Variants in THRB observed in about 807,000 individuals in gnomAD.
THRB encodes thyroid hormone receptor beta.
In THRB, 12 loss-of-function variants were observed where a neutral mutation model predicts 47.8. That is an observed-to-expected ratio of 0.25 (90% CI 0.16 to 0.41). The LOEUF (loss-of-function observed/expected upper bound fraction) is 0.41, where lower values mean the gene tolerates loss of function less well. THRB is among the 10% of genes least tolerant of loss of function. The probability of loss-of-function intolerance (pLI) is 1.00; values close to 1 mark genes in which losing one functional copy is unlikely to be tolerated. For synonymous variants in THRB, 218 were observed against 212.2 expected (o/e 1.03, Z -0.24); for missense variants, 348 against 589.2 (o/e 0.59, Z 4.24).
In THRB at chr3:24,188,544, T is replaced by G. The variant is rs374464952; in HGVS notation, c.283+1530A>C. On this transcript the variant is annotated intron_variant, in intron 5 of 10. Transcript: ENST00000646209. The stretch of plus-strand genomic sequence containing the variant: ...TAGATGGACTCTATGAATGAATAAA[T>G]GAATGAATATTGGTATCAATTGTGA... 1.2e-4 allele frequency among the ~76,000 whole-genome samples: 18 copies of G among 152,238 alleles called. No individual in the cohort carries two copies. In the East Asian group the frequency reaches 3.3e-3, roughly 28 times the overall value.
At chr3:24,372,771 T>A (rs1467688579) in intron 1 of THRB, among the ~76,000 whole-genome samples, 2 of 152,088 alleles carry the variant, frequency 1.3e-5, no homozygotes, top group African/African-American at 4.8e-5. Flanking sequence ...TGTCACACAG[T>A]ACATAGAGCT....
chr3:24,238,933 C>T (rs544386480), intron 3 of THRB, among the ~76,000 whole-genome samples: 33 of 151,506 alleles, frequency 2.2e-4, no homozygotes, highest in African/African-American at 7.7e-4. Context: ...TCCATTCTCA[C>T]GCATTAGGTT....
At chr3:24,360,901 G>T (rs895299580) in intron 1 of THRB, among the ~76,000 whole-genome samples, 5 of 152,028 alleles carry the variant, frequency 3.3e-5, no homozygotes, top group African/African-American at 1.2e-4. Context: ...GTGCTTAATT[G>T]GTCTGTGGTG....
intron 1 of THRB, among the ~76,000 whole-genome samples, chr3:24,460,399 A>C (rs2073588772): frequency 6.6e-6 from 1 of 152,224 alleles, no homozygotes; most frequent in South Asian, 2.1e-4. Flanking sequence ...TTTATCAGCA[A>C]TGGGAAAAGT....
chr3:24,282,122 C>G, intron 3 of THRB, among the ~76,000 whole-genome samples: 1 of 112,382 alleles, frequency 8.9e-6, no homozygotes, highest in Non-Finnish European at 1.7e-5. Context: ...CCCAAATCAA[C>G]AGAATATACA....
At chr3:24,455,726 G>A (rs756210917) in intron 1 of THRB, among the ~76,000 whole-genome samples, 1 of 152,104 alleles carries the variant, frequency 6.6e-6, no homozygotes, top group Non-Finnish European at 1.5e-5. Context: ...ATTCAGTGGG[G>A]TCTTTTATTA....
chr3:24,184,750 T>C (rs868106538), intron 5 of THRB, among the ~76,000 whole-genome samples: 7 of 152,298 alleles, frequency 4.6e-5, no homozygotes, highest in South Asian at 4.1e-4. Flanking sequence ...CACTCTCAGT[T>C]GGGACTGCAG....
intron 2 of THRB, among the ~76,000 whole-genome samples, chr3:24,324,568 C>T (rs2149323271): frequency 6.6e-6 from 1 of 152,274 alleles, no homozygotes; most frequent in Admixed American, 6.5e-5. Context: ...ATATAATATA[C>T]ATACAGAAAA....
intron 3 of THRB, among the ~76,000 whole-genome samples, chr3:24,287,619 C>T (rs746599763): frequency 6.6e-6 from 1 of 152,198 alleles, no homozygotes; most frequent in Non-Finnish European, 1.5e-5. Context: ...TAACTTTCAA[C>T]AGGAGCGTTG....
intron 1 of THRB, among the ~76,000 whole-genome samples, chr3:24,372,777 G>C (rs1379591463): frequency 6.6e-6 from 1 of 152,086 alleles, no homozygotes; most frequent in Non-Finnish European, 1.5e-5. Context: ...ACAGTACATA[G>C]AGCTGGAGTC....
chr3:24,235,306 C>T (rs115057071), intron 3 of THRB, among the ~76,000 whole-genome samples: 1,772 of 152,296 alleles, frequency 0.012, 11 homozygotes, highest in Non-Finnish European at 0.02. Context: ...ATCGAAACTA[C>T]AGCACTGAAG....
intron 9 of THRB, among the ~76,000 whole-genome samples, chr3:24,130,620 C>T (rs2033704380): frequency 6.6e-6 from 1 of 152,224 alleles, no homozygotes; most frequent in East Asian, 1.9e-4. Context: ...ACCATCCCCT[C>T]AGACAAAAGA....
intron 2 of THRB, among the ~76,000 whole-genome samples, chr3:24,334,584 CA>C (rs1166578219): frequency 6.6e-5 from 10 of 152,186 alleles, no homozygotes; most frequent in Non-Finnish European, 1.3e-4. Flanking sequence ...AGGCAATGAG[CA>C]ATATGGTCTT....
intron 1 of THRB, among the ~76,000 whole-genome samples, chr3:24,437,895 T>A (rs959896324): frequency 5.3e-5 from 8 of 151,638 alleles, no homozygotes; most frequent in Non-Finnish European, 1.5e-5. Context: ...CCACCTTAAA[T>A]AATTTTTATT....
Position 24,370,044 on chromosome 3 carries a change from T to C in THRB, c.-260-32673A>G, listed in dbSNP as rs913779561. ...GTATTAAAAGATGCTAGTTTGGAGA[T>C]GAAATATATGTTACTAAAACTCAAC... is the stretch of plus-strand genomic sequence containing the variant. On this transcript the variant is annotated intron_variant, in intron 1 of 10. Coordinates refer to ENST00000646209, the MANE Select transcript of THRB (RefSeq NM_001354712.2). 3.3e-5 allele frequency among the ~76,000 whole-genome samples: 5 copies of C among 152,164 alleles called. No homozygotes were observed. In the East Asian group the frequency reaches 5.8e-4, roughly 18 times the overall value.
intron 3 of THRB, among the ~76,000 whole-genome samples, chr3:24,262,636 G>C (rs1465032987): frequency 6.6e-6 from 1 of 152,150 alleles, no homozygotes; most frequent in Admixed American, 6.5e-5. Flanking sequence ...TACTGTCAGA[G>C]ATCTTATACC....
At chr3:24,364,122 A>G (rs920252973) in intron 1 of THRB, among the ~76,000 whole-genome samples, 1 of 152,140 alleles carries the variant, frequency 6.6e-6, no homozygotes, top group Middle Eastern at 3.2e-3. Flanking sequence ...CTTAATATAA[A>G]TGTTTATTCA....
intron 3 of THRB, among the ~76,000 whole-genome samples, chr3:24,233,618 A>AAAGAAAGAAAGAGC (rs1234779231): frequency 5.3e-5 from 8 of 152,144 alleles, no homozygotes; most frequent in Non-Finnish European, 1.0e-4. Flanking sequence ...AAAGAAAGAG[A>AAAGAAAGAAAGAGC]AAGAGCCTGT....
At chr3:24,130,682 G>A (rs2033716994) in intron 9 of THRB, among the ~76,000 whole-genome samples, 1 of 152,166 alleles carries the variant, frequency 6.6e-6, no homozygotes, top group African/African-American at 2.4e-5. Context: ...GCCCTTCGGT[G>A]CAGATGTGAG....
Sources: gnomAD v4.1 joint callset for allele counts (sites outside exome capture counted in the v4.1 genomes callset) on GRCh38, gnomAD v4.1.1 for gene constraint, MANE v1.5 for transcripts, NCBI Gene and HGNC (gene_info 2026-07-23, HGNC 2026-07-21) for gene names.